Variants in TUBA3E observed in about 807,000 individuals in gnomAD.
The protein encoded by TUBA3E is tubulin alpha-3E chain.
Under a neutral mutation model 36.7 loss-of-function variants are expected in TUBA3E, and 21 were observed. That is an observed-to-expected ratio of 0.57 (90% CI 0.41 to 0.83). The LOEUF (loss-of-function observed/expected upper bound fraction) is 0.83, where lower values mean the gene tolerates loss of function less well. TUBA3E is among the 40% of genes least tolerant of loss of function. TUBA3E has a pLI of 0.00. For synonymous variants in TUBA3E, 177 were observed against 241.9 expected (o/e 0.73, Z 2.49); for missense variants, 469 against 604.2 (o/e 0.78, Z 2.35).
In TUBA3E at chr2:130,197,622, G is replaced by GT. The variant is rs1357875032; in HGVS notation, c.3+735dup. Among the ~76,000 whole-genome samples the GT allele has an allele frequency of 2.4e-5, 3 of 126,752 alleles. 1 individual carries two copies. Among genetic ancestry groups the GT allele is most frequent in the Non-Finnish European group, 5.2e-5 (3 of 57,248 alleles). The allele number at this position is 126,752 out of a possible 152,430, so 83.2% of individuals were successfully genotyped here. On this transcript the variant is annotated intron_variant, in intron 1 of 4. Transcript: ENST00000312988. The stretch of plus-strand genomic sequence containing the variant: ...GTTAATGGGCTGCTTTTTTTGTTTG[G>GT]TTTTTTGAGGCAGGGTCTCTGTGGC...
At position 130,195,218 on chromosome 2, in the gene TUBA3E, C is replaced by A; in HGVS notation, c.236G>T (p.Arg79Leu). 2 of 1,613,848 alleles carry A rather than the reference C, an allele frequency of 1.2e-6. No homozygotes were observed. Among genetic ancestry groups the A allele is most frequent in the Non-Finnish European group, 8.5e-7 (1 of 1,179,868 alleles). Residue 79 changes from arginine (R) to leucine (L), a missense_variant, in exon 3 of 5, where the codon CGC (arginine) becomes CTC (leucine). Physicochemically the swap from Arg to Leu is moderately radical, Grantham distance 102 (BLOSUM62 -2). This residue lies in a region of TUBA3E where 169 missense variants were observed against 239.0 expected (regional missense o/e 0.71). Coordinates refer to ENST00000312988, the MANE Select transcript of TUBA3E (RefSeq NM_207312.3). ...DLEPTVVDEV[R>L]TGTYRQLFHP... is the part of the protein sequence containing the mutation. The stretch of plus-strand genomic sequence containing the variant: ...GAAGAGCTGCCTGTAGGTCCCTGTG[C>A]GCACTTCATCTGCAAAAGAGACAGT...
chr2:130,194,939 A>C lies in TUBA3E; in HGVS notation c.375+140T>G, dbSNP rs1039194077. The C allele has an allele frequency of 7.4e-6, 11 of 1,483,464 alleles. No individual in the cohort carries two copies. In the African/African-American group the frequency reaches 1.5e-4, roughly 21 times the overall value. 91.9% of individuals were successfully genotyped at this position (1,483,464 alleles called of 1,614,324 possible). A position where few individuals can be genotyped will look rare whatever the true frequency, so the allele number is the denominator to read the frequency against. On this transcript the variant is annotated intron_variant, in intron 3 of 4. Transcript: ENST00000312988. ...GTAATCCACCTGCTTTAGCCTCTCAAAGTGCTGGGATTACACGTGTGAGCC... is the reference window on the plus strand; with the variant it reads ...GTAATCCACCTGCTTTAGCCTCTCACAGTGCTGGGATTACACGTGTGAGCC...
In TUBA3E at chr2:130,192,101, T is replaced by G; in HGVS notation, c.1083A>C (p.Thr361=). The G allele has an allele frequency of 6.2e-7, 1 of 1,601,866 alleles. No individual in the cohort carries two copies. Among genetic ancestry groups the G allele is most frequent in the Non-Finnish European group, 8.5e-7 (1 of 1,173,290 alleles). The stretch of plus-strand genomic sequence containing the variant: ...TGGCCAGGTCTCCCCCGGGGACCAC[T>G]GTGGGGGGCTGGTAGTTAATGCCCA... ...FKVGINYQPP[T]VVPGGDLAKV... The change falls in exon 5 of 5, where the codon ACA becomes ACC. Residue 361 remains threonine, a synonymous_variant. Transcript: ENST00000312988.
chr2:130,195,291 C>A (rs554201637), intron 2 of TUBA3E, 64 bp from the exon 3 acceptor site: 58 of 1,576,212 alleles, frequency 3.7e-5, no homozygotes, highest in Non-Finnish European at 4.9e-5. Flanking sequence ...TGGACACATT[C>A]CAGGAGTGTT....
chr2:130,197,229 C>T (rs977418132), intron 1 of TUBA3E, among the ~76,000 whole-genome samples: 5 of 152,168 alleles, frequency 3.3e-5, no homozygotes, highest in African/African-American at 1.2e-4. Flanking sequence ...GTGGCTCATT[C>T]CTGTAATCCC....
At position 130,198,412 on chromosome 2, in the gene TUBA3E, C is replaced by G. The variant is rs534566060; in HGVS notation, c.-52G>C. On this transcript the variant is annotated 5_prime_UTR_variant, in exon 1 of 5. Transcript: ENST00000312988. The stretch of plus-strand genomic sequence containing the variant: ...GCTACTTCCAGACCTCAACCGGCTG[C>G]CACAGCTGCTGAGCGCCCAACTGCA... The G allele has an allele frequency of 8.9e-6, 12 of 1,355,006 alleles. 4 individuals are homozygous for G. In the African/African-American group the frequency reaches 1.8e-4, roughly 21 times the overall value. 83.9% of individuals were successfully genotyped at this position (1,355,006 alleles called of 1,614,324 possible).
chr2:130,197,841 C>T (rs1461518928), intron 1 of TUBA3E, among the ~76,000 whole-genome samples: 1 of 124,684 alleles, frequency 8.0e-6, no homozygotes, highest in African/African-American at 2.8e-5. Context: ...CTCCAGACAT[C>T]AGGGGATCCG....
chr2:130,196,195 C>T lies in TUBA3E; in HGVS notation c.180G>A (p.Lys60=), dbSNP rs1271036210. 6.2e-7 allele frequency: 1 copy of T among 1,613,886 alleles called. No individual in the cohort carries two copies. Among genetic ancestry groups the T allele is most frequent in the Admixed American group, 1.7e-5 (1 of 60,000 alleles). The change falls in exon 2 of 5, where the codon AAG becomes AAA. Residue 60 remains lysine (K), a synonymous_variant. Coordinates refer to ENST00000312988, the MANE Select transcript of TUBA3E (RefSeq NM_207312.3). ...NTFFSETGAG[K]HVPRAVFVDL... is the part of the protein sequence containing the mutation. ...CCACAAACACTGCTCTGGGCACGTG[C>T]TTGCCAGCTCCAGTCTCACTGAAGA...
At position 130,195,226 on chromosome 2, in the gene TUBA3E, A is replaced by T. The variant is rs141271807; in HGVS notation, c.228T>A (p.Asp76Glu). Reference protein sequence around the residue: ...VFVDLEPTVVDEVRTGTYRQL... With the variant: ...VFVDLEPTVVEEVRTGTYRQL... ...GCCTGTAGGTCCCTGTGCGCACTTCATCTGCAAAAGAGACAGTGTGTACTG... is the reference window on the plus strand; with the variant it reads ...GCCTGTAGGTCCCTGTGCGCACTTCTTCTGCAAAAGAGACAGTGTGTACTG... Residue 76 changes from aspartate to glutamate, a missense_variant and splice_region_variant, in exon 3 of 5, where the codon GAT (aspartate) becomes GAA (glutamate). Asp to Glu is a conservative substitution (Grantham distance 45). Around this residue, in one of 3 missense-constraint regions of TUBA3E, gnomAD observed 169 missense variants for 239.0 expected, o/e 0.71. Transcript: ENST00000312988. 1.5e-4 allele frequency: 236 copies of T among 1,613,698 alleles called. 1 individual carries two copies. Among genetic ancestry groups the T allele is most frequent in the Admixed American group, 3.3e-5 (2 of 59,972 alleles).
chr2:130,193,564 G>A (rs1173325312), intron 4 of TUBA3E, among the ~76,000 whole-genome samples: 3 of 143,560 alleles, frequency 2.1e-5, no homozygotes, highest in Non-Finnish European at 3.0e-5. Flanking sequence ...AGCTGAGATC[G>A]CACCACTGCA....
At chr2:130,198,100 G>C (rs13403526) in intron 1 of TUBA3E, among the ~76,000 whole-genome samples, 3,106 of 122,796 alleles carry the variant, frequency 0.025, 792 homozygotes, top group African/African-American at 0.083. Context: ...GCCACTATTT[G>C]CTCTCTGGGG....
intron 3 of TUBA3E, among the ~76,000 whole-genome samples, chr2:130,194,720 C>T (rs890226092): frequency 2.6e-5 from 4 of 152,146 alleles, no homozygotes; most frequent in African/African-American, 9.7e-5. Flanking sequence ...CTCTGTTGCC[C>T]AGGTTAGAGT....
rs755699649 is a variant in TUBA3E, at chr2:130,196,396, A to G, written c.4-25T>C. Reference sequence around the variant, plus strand: ...GCTGTGAACCGGAACATAAATGTGAACCCATTCATTTCAAGGCAACTTGAA... The same window carrying G: ...GCTGTGAACCGGAACATAAATGTGAGCCCATTCATTTCAAGGCAACTTGAA... On this transcript the variant is annotated intron_variant, in intron 1 of 4. Coordinates refer to ENST00000312988, the MANE Select transcript of TUBA3E (RefSeq NM_207312.3). 7.5e-6 allele frequency: 12 copies of G among 1,602,768 alleles called. No individual in the cohort carries two copies. In the Admixed American group the frequency reaches 1.2e-4, roughly 16 times the overall value.
At chr2:130,193,103 A>C (rs1180150556) in intron 4 of TUBA3E, among the ~76,000 whole-genome samples, 1 of 151,572 alleles carries the variant, frequency 6.6e-6, no homozygotes, top group African/African-American at 2.4e-5. Context: ...AAAAAAAAAA[A>C]AATTACCCGG....
rs559596344 is a variant in TUBA3E at position 130,197,050 on chromosome 2, C to T, written c.4-679G>A. On this transcript the variant is annotated intron_variant, in intron 1 of 4. Coordinates refer to ENST00000312988, the MANE Select transcript of TUBA3E (RefSeq NM_207312.3). ...GTGACCTGAATCCCTCTCAAGGCTA[C>T]ACTTTTGGCAGGCTGCCCTCTTCAT... Among the ~76,000 whole-genome samples the T allele has an allele frequency of 1.8e-4, 27 of 152,348 alleles. No homozygotes were observed. In the South Asian group the frequency reaches 5.4e-3, roughly 30 times the overall value.
chr2:130,192,183 G>A (rs1690280865), intron 4 of TUBA3E, 56 bp from the exon 5 acceptor site: 1 of 1,549,044 alleles, frequency 6.5e-7, no homozygotes, highest in African/African-American at 1.4e-5. Context: ...CCTAGAAATG[G>A]TAGCTACTTC....
At chr2:130,193,308 A>T (rs1690314740) in intron 4 of TUBA3E, among the ~76,000 whole-genome samples, 1 of 151,916 alleles carries the variant, frequency 6.6e-6, no homozygotes, top group Non-Finnish European at 1.5e-5. Context: ...ACTCAGAAAG[A>T]GTTCAAAAGA....
intron 4 of TUBA3E, 50 bp from the exon 5 acceptor site, chr2:130,192,177 G>A (rs1172911457): frequency 1.3e-6 from 2 of 1,553,048 alleles, no homozygotes; most frequent in Non-Finnish European, 8.7e-7. Context: ...ATCAAACCTA[G>A]AAATGGTAGC....
In TUBA3E at chr2:130,196,202, G is replaced by C; in HGVS notation, c.173C>G (p.Ala58Gly). ...CACTGCTCTGGGCACGTGCTTGCCA[G>C]CTCCAGTCTCACTGAAGAACGTGTT... The part of the protein sequence containing the change: ...SFNTFFSETG[A>G]GKHVPRAVFV... Residue 58 changes from alanine (A) to glycine (G), a missense_variant, in exon 2 of 5, where the codon GCT becomes GGT. Physicochemically the swap from Ala to Gly is moderately conservative, Grantham distance 60 (BLOSUM62 0). Around this residue, in one of 3 missense-constraint regions of TUBA3E, gnomAD observed 169 missense variants for 239.0 expected, o/e 0.71. Transcript: ENST00000312988. 4 of 1,613,992 alleles carry C rather than the reference G, an allele frequency of 2.5e-6. No individual in the cohort carries two copies. Among genetic ancestry groups the C allele is most frequent in the Non-Finnish European group, 3.4e-6 (4 of 1,179,872 alleles).
Sources: gnomAD v4.1 joint callset for allele counts (sites outside exome capture counted in the v4.1 genomes callset) on GRCh38, gnomAD v4.1.1 for gene constraint, gnomAD v4.1.1 regional missense constraint, MANE v1.5 for transcripts, NCBI Gene and HGNC (gene_info 2026-07-23, HGNC 2026-07-21) for gene names.